Variants in ABCA9 observed in about 807,000 individuals in gnomAD.
ABCA9 encodes the protein ATP-binding cassette sub-family A member 9.
In ABCA9, 183 loss-of-function variants were observed where a neutral mutation model predicts 205.3. The observed-to-expected ratio is 0.89, with a 90% confidence interval of 0.79 to 1.01. The LOEUF (loss-of-function observed/expected upper bound fraction) is 1.01. Among genes scored for constraint, ABCA9 ranks in the 50% least tolerant of loss-of-function variants. ABCA9 has a pLI of 0.00. For missense variants in ABCA9, 1,805 were observed against 1,912.4 expected, an observed-to-expected ratio of 0.94 and a Z score of 1.05; for synonymous variants, 651 against 683.3, an observed-to-expected ratio of 0.95 and a Z score of 0.74.
Position 69,028,641 on chromosome 17 carries a change from C to T in ABCA9, c.1509G>A (p.Val503=), listed in dbSNP as rs1440070146. 6.4e-7 allele frequency: 1 copy of T among 1,560,648 alleles called. No individual in the cohort carries two copies. Among genetic ancestry groups the T allele is most frequent in the Non-Finnish European group, 8.7e-7 (1 of 1,153,726 alleles). The change falls in exon 12 of 39, where the codon GTG becomes GTA. Residue 503 remains valine, a synonymous_variant. Coordinates refer to ENST00000340001, the MANE Select transcript of ABCA9 (RefSeq NM_080283.4). ...KCERVEALKG[V]VFDIYEGQIT... ...TCTGGCCTTCATATATGTCAAACAC[C>T]ACACCTGGCATGATTTTAAAAAAAA...
chr17:69,064,896 C>T (rs917767740), upstream of ABCA9, among the ~76,000 whole-genome samples: 2 of 152,058 alleles, frequency 1.3e-5, no homozygotes, highest in Non-Finnish European at 2.9e-5. Flanking sequence ...TTCATTTTCT[C>T]TATCTGTATT....
chr17:69,045,273 A>G lies in ABCA9; in HGVS notation c.368T>C (p.Ile123Thr). Residue 123 changes from isoleucine (I) to threonine (T), a missense_variant, in exon 4 of 39, where the codon ATA (isoleucine) becomes ACA (threonine). Physicochemically the swap from Ile to Thr is moderately conservative, Grantham distance 89. Transcript: ENST00000340001. The part of the protein sequence containing the change: ...SMDELDLNYS[I>T]DAVRVIFTDT... ...AGTAAAGATGACTCTCACTGCGTCT[A>G]TTGAATAGTTCAAATCCAATTCATC... is the stretch of plus-strand genomic sequence containing the variant. The G allele has an allele frequency of 1.2e-6, 2 of 1,613,316 alleles. No individual in the cohort carries two copies. The highest frequency in any genetic ancestry group is 1.7e-6 in the Non-Finnish European group (2 of 1,179,580).
chr17:68,989,813 CT>C lies in ABCA9; in HGVS notation c.3954del (p.Gly1319ValfsTer4). ...TACTAATGGAACTACTGTTTCCAAC[CT>C]TTTTTAACACAAAAAGAGACATTTC... is the stretch of plus-strand genomic sequence containing the variant. ...ATRNVSFCVK[K>X]GEVIGLLGHN... On this transcript the variant is annotated frameshift_variant and splice_region_variant, in exon 30 of 39. Transcript: ENST00000340001. LOFTEE classifies it high-confidence loss of function. 1 of 1,558,516 alleles carries C rather than the reference CT, an allele frequency of 6.4e-7. No individual in the cohort carries two copies. The highest frequency in any genetic ancestry group is 1.1e-5 in the South Asian group (1 of 88,982).
At chr17:69,042,487 A>G (rs997072192) in intron 6 of ABCA9, 1 of 152,246 alleles carries the variant, frequency 6.6e-6, no homozygotes, top group Admixed American at 6.5e-5. Context: ...TTTAAAGAAC[A>G]TAAAAGGTTT....
At position 68,984,899 on chromosome 17, in the gene ABCA9, C is replaced by G. The variant is rs748545976; in HGVS notation, c.4365G>C (p.Gly1455=). Residue 1455 remains glycine (G), a synonymous_variant, in exon 34 of 39, where the codon GGG becomes GGC. Transcript: ENST00000340001. ...TAGCACCTCACCACATTTGCTGCTG[C>G]CCCTCGGGGTCCATCCCGGTCGACG... ...DEPSTGMDPE[G]QQQMWQVIRA... is the part of the protein sequence containing the mutation. The G allele has an allele frequency of 1.9e-6, 3 of 1,614,168 alleles. No homozygotes were observed. The highest frequency in any genetic ancestry group is 3.3e-5 in the Admixed American group (2 of 60,022).
chr17:69,027,642 C>T lies in ABCA9; in HGVS notation c.1789G>A (p.Glu597Lys), dbSNP rs960113079. 1 of 1,613,026 alleles carries T rather than the reference C, an allele frequency of 6.2e-7. No individual in the cohort carries two copies. Among genetic ancestry groups the T allele is most frequent in the African/African-American group, 1.3e-5 (1 of 75,000 alleles). Residue 597 changes from glutamate to lysine, a missense_variant and splice_region_variant, in exon 13 of 39, where the codon GAG (glutamate) becomes AAG (lysine). Transcript: ENST00000340001. ...TGACATCTAATATGCTCACATACCT[C>T]TTTCTCCACTTCATGTGGCAAAATC... is the stretch of plus-strand genomic sequence containing the variant. ...KGILPHEVEK[E>K]VQRVVQELEM...
At chr17:69,048,827 C>A (rs12452482) in intron 3 of ABCA9, among the ~76,000 whole-genome samples, 15,008 of 152,194 alleles carry the variant, frequency 0.099, 988 homozygotes, top group Admixed American at 0.17. Flanking sequence ...ACAGGAAAAA[C>A]CACGCCAATC....
At chr17:69,078,457 A>G in the ABCA9 span, among the ~76,000 whole-genome samples, 3 of 152,156 alleles carry the variant, frequency 2.0e-5, no homozygotes, top group Non-Finnish European at 4.4e-5. Flanking sequence ...TCGGCCTCCC[A>G]AAGTGCTGGG....
intron 10 of ABCA9, among the ~76,000 whole-genome samples, chr17:69,029,515 A>C (rs2071094461): frequency 6.6e-6 from 1 of 152,190 alleles, no homozygotes; most frequent in Non-Finnish European, 1.5e-5. Flanking sequence ...GTGGCAAATG[A>C]CTGGATATGA....
chr17:69,064,406 C>T (rs2072321903), upstream of ABCA9, among the ~76,000 whole-genome samples: 1 of 152,146 alleles, frequency 6.6e-6, no homozygotes, highest in Non-Finnish European at 1.5e-5. Context: ...ATCTTTCTCC[C>T]CCATCTTCCT....
chr17:68,982,450 T>C, intron 37 of ABCA9, 112 bp downstream of exon 37: 1 of 811,282 alleles, frequency 1.2e-6, no homozygotes, highest in Non-Finnish European at 2.0e-6. Context: ...TAGTAATGTA[T>C]TAATGATATA....
At chr17:69,060,796 G>A (rs530804208) in intron 1 of ABCA9, 70 bp downstream of exon 1, 16 of 923,788 alleles carry the variant, frequency 1.7e-5, no homozygotes, top group Middle Eastern at 5.6e-4. Flanking sequence ...TAAACGTCTG[G>A]CATGCCTATT....
rs529739909 is a variant in ABCA9 at position 68,992,158 on chromosome 17, G to A, written c.3716+17C>T. 7 of 1,501,734 alleles carry A rather than the reference G, an allele frequency of 4.7e-6. No homozygotes were observed. The highest frequency in any genetic ancestry group is 2.5e-5 in the South Asian group (2 of 79,050). The allele number at this position is 1,501,734 out of a possible 1,614,324, so 93.0% of individuals were successfully genotyped here. A position where few individuals can be genotyped will look rare whatever the true frequency, so the allele number is the denominator to read the frequency against. ...AATATCAAAATGAAACATGAAATTC[G>A]ATTTGATTTTCTCAACCTGAACACA... On this transcript the variant is annotated intron_variant, in intron 28 of 38. Transcript: ENST00000340001.
chr17:69,031,618 C>T (rs1016283599), intron 10 of ABCA9, among the ~76,000 whole-genome samples: 3 of 152,170 alleles, frequency 2.0e-5, no homozygotes, highest in Non-Finnish European at 4.4e-5. Flanking sequence ...ACTAACAGTC[C>T]TGACTTCTGA....
intron 35 of ABCA9, 72 bp from the exon 36 acceptor site, chr17:68,983,921 G>T: frequency 6.2e-7 from 1 of 1,608,084 alleles, no homozygotes; most frequent in Non-Finnish European, 8.5e-7. Context: ...TCAGCCTCTG[G>T]AGGCCAGAGT....
intron 25 of ABCA9, among the ~76,000 whole-genome samples, chr17:68,997,905 T>C (rs1298923816): frequency 1.3e-5 from 2 of 152,194 alleles, no homozygotes; most frequent in Non-Finnish European, 2.9e-5. Flanking sequence ...TATAGTATCA[T>C]ACAGGCCTAA....
rs547833103 is a variant in ABCA9, at chr17:68,979,869, C to T, written c.4720+2693G>A. Reference sequence around the variant, plus strand: ...TAGGCAGTACCATTTAGGACACAGGCAGGGGCAAGGACTTCAGGTCTAAAA... The same window carrying T: ...TAGGCAGTACCATTTAGGACACAGGTAGGGGCAAGGACTTCAGGTCTAAAA... On this transcript the variant is annotated intron_variant, in intron 37 of 38. Transcript: ENST00000340001. 2.6e-5 allele frequency among the ~76,000 whole-genome samples: 4 copies of T among 152,246 alleles called. No homozygotes were observed. The East Asian group carries it at 5.8e-4, about 22-fold the overall frequency.
At chr17:69,028,439 A>G in intron 12 of ABCA9, 96 bp downstream of exon 12, 2 of 754,982 alleles carry the variant, frequency 2.6e-6, no homozygotes, top group Non-Finnish European at 4.1e-6. Flanking sequence ...TGCTGGGATT[A>G]CAGGTGTGAG....
At chr17:69,047,520 C>T (rs2071756353) in intron 3 of ABCA9, among the ~76,000 whole-genome samples, 2 of 152,056 alleles carry the variant, frequency 1.3e-5, no homozygotes. Context: ...ATAACATTAT[C>T]TGCAAGGCCA....
Sources: allele counts gnomAD v4.1 joint callset (sites outside exome capture counted in the v4.1 genomes callset), GRCh38; gene constraint gnomAD v4.1.1; transcripts MANE v1.5; gene names NCBI Gene and HGNC (gene_info 2026-07-23, HGNC 2026-07-21).